Variants in TEKT2 observed in about 807,000 individuals in gnomAD.
TEKT2 encodes the protein tektin-2.
Under a neutral mutation model 49.8 loss-of-function variants are expected in TEKT2, and 45 were observed. The ratio of observed to expected loss-of-function variants is 0.90; its 90% CI spans 0.71 to 1.16. The LOEUF (loss-of-function observed/expected upper bound fraction) is 1.16. Ranked by LOEUF, TEKT2 falls within the 50% of genes most tolerant of loss-of-function variation. The pLI is 0.00. For synonymous variants in TEKT2, 202 were observed against 224.6 expected, an observed-to-expected ratio of 0.90 and a Z score of 0.90; for missense variants, 523 against 551.4, an observed-to-expected ratio of 0.95 and a Z score of 0.52.
chr1:36,087,595 C>T lies in TEKT2; in HGVS notation c.999+13C>T. The T allele has an allele frequency of 6.2e-7, 1 of 1,613,696 alleles. No individual in the cohort carries two copies. Among genetic ancestry groups the T allele is most frequent in the Non-Finnish European group, 8.5e-7 (1 of 1,180,016 alleles). ...CTGCCGGGACCAGGTGAGAGGGTGT[C>T]CCAGTGGCGCACGGGCCCCCTAGCC... On this transcript the variant is annotated intron_variant, in intron 8 of 9. Transcript: ENST00000207457. This position sits in a 1 kb window ranked among gnomAD's most constrained non-coding sequence, Gnocchi z 4.9.
chr1:36,085,125 C>T, intron 2 of TEKT2, 38 bp from the exon 3 acceptor site: 1 of 1,614,238 alleles, frequency 6.2e-7, no homozygotes, highest in Non-Finnish European at 8.5e-7. Context: ...AGCCCCCAAC[C>T]CCTTGACACC....
chr1:36,086,425 G>A (rs1182767361), intron 4 of TEKT2, among the ~76,000 whole-genome samples: 6 of 152,066 alleles, frequency 3.9e-5, no homozygotes, highest in East Asian at 1.9e-4. Flanking sequence ...TTCATCCTGC[G>A]GGTGTGTAGG....
chr1:36,086,334 T>C (rs1329005857), intron 4 of TEKT2, among the ~76,000 whole-genome samples: 1 of 152,144 alleles, frequency 6.6e-6, no homozygotes, highest in Non-Finnish European at 1.5e-5. Context: ...AGTGTGTGTG[T>C]ATGAGCCTTT....
chr1:36,086,080 CT>C, intron 4 of TEKT2, 39 bp downstream of exon 4: 1 of 1,549,736 alleles, frequency 6.5e-7, no homozygotes, highest in South Asian at 1.2e-5. Flanking sequence ...TCATGGGCCC[CT>C]GGAGGCTGTG....
chr1:36,085,773 G>T, intron 3 of TEKT2, 63 bp from the exon 4 acceptor site: 1 of 1,530,128 alleles, frequency 6.5e-7, no homozygotes, highest in Non-Finnish European at 8.9e-7. Context: ...ATCCAACTCG[G>T]CCTCCCGAAG....
rs772539254 is a variant in TEKT2 at position 36,085,806 on chromosome 1, C to T, written c.283-30C>T. ...AAGTGCTGGGATTACAGATGTGAGC[C>T]ACCGTGCCCGGCCGCGCCCTCTTTT... On this transcript the variant is annotated intron_variant, in intron 3 of 9. Transcript: ENST00000207457. The T allele has an allele frequency of 1.9e-6, 3 of 1,602,188 alleles. No individual in the cohort carries two copies. In the South Asian group the frequency reaches 3.4e-5, roughly 18 times the overall value.
rs1003238165 is a variant in TEKT2, at chr1:36,087,126, C to T, written c.748-78C>T. 3.1e-6 allele frequency: 5 copies of T among 1,604,824 alleles called. No individual in the cohort carries two copies. Among genetic ancestry groups the T allele is most frequent in the Non-Finnish European group, 8.5e-7 (1 of 1,172,878 alleles). ...TCTGTTCCCTGCTGTGCATGTGGCC[C>T]CCTGCCCCTCGCTTGAGTAATATCC... On this transcript the variant is annotated intron_variant, in intron 6 of 9. Coordinates refer to ENST00000207457, the MANE Select transcript of TEKT2 (RefSeq NM_014466.3). The surrounding 1 kb of genome is among the most constrained non-coding windows in gnomAD (Gnocchi z 4.9).
At chr1:36,085,722 T>G (rs1245565964) in intron 3 of TEKT2, 114 bp from the exon 4 acceptor site, 1 of 1,073,554 alleles carries the variant, frequency 9.3e-7, no homozygotes, top group Non-Finnish European at 1.4e-6. Context: ...GTTTCACCAT[T>G]TTGGCCAGGC....
rs765304178 is a variant in TEKT2 at position 36,087,843 on chromosome 1, C to A, written c.1079+36C>A. On this transcript the variant is annotated intron_variant, in intron 9 of 9. Transcript: ENST00000207457. This position sits in a 1 kb window ranked among gnomAD's most constrained non-coding sequence, Gnocchi z 4.9. Reference sequence around the variant, plus strand: ...GGAGTGGGCGGAAGGAGCAGTGAGACGCTGCCCACAAATGGGGCCTCTTGC... The same window carrying A: ...GGAGTGGGCGGAAGGAGCAGTGAGAAGCTGCCCACAAATGGGGCCTCTTGC... The A allele has an allele frequency of 1.2e-5, 20 of 1,610,364 alleles. No individual in the cohort carries two copies. The highest frequency in any genetic ancestry group is 8.4e-5 in the Admixed American group (5 of 59,490).
At position 36,085,964 on chromosome 1, in the gene TEKT2, G is replaced by A; in HGVS notation, c.411G>A (p.Leu137=). Residue 137 remains leucine (L), a synonymous_variant, in exon 4 of 10, where the codon CTG becomes CTA. Coordinates refer to ENST00000207457, the MANE Select transcript of TEKT2 (RefSeq NM_014466.3). ...DVVKDPVEDE[L]HKEVEVIEAT... is the part of the protein sequence containing the mutation. The stretch of plus-strand genomic sequence containing the variant: ...TGAAGGACCCTGTGGAGGATGAGCT[G>A]CATAAAGAGGTGGAGGTCATCGAGG... 6.2e-7 allele frequency: 1 copy of A among 1,613,024 alleles called. No individual in the cohort carries two copies. The highest frequency in any genetic ancestry group is 8.5e-7 in the Non-Finnish European group (1 of 1,179,524).
Position 36,087,351 on chromosome 1 carries a change from G to C in TEKT2, c.855+40G>C, listed in dbSNP as rs1241594485. The C allele has an allele frequency of 1.9e-6, 3 of 1,613,816 alleles. No homozygotes were observed. The highest frequency in any genetic ancestry group is 2.5e-6 in the Non-Finnish European group (3 of 1,179,916). On this transcript the variant is annotated intron_variant, in intron 7 of 9. Coordinates refer to ENST00000207457, the MANE Select transcript of TEKT2 (RefSeq NM_014466.3). This position sits in a 1 kb window ranked among gnomAD's most constrained non-coding sequence, Gnocchi z 4.9. ...GGGCCTGGACTTCCTGCTGTGGGAT[G>C]AGAAGCCGCATGCCCCCGCCAGGAG... is the stretch of plus-strand genomic sequence containing the variant.
At position 36,087,367 on chromosome 1, in the gene TEKT2, C is replaced by G. The variant is rs1440507415; in HGVS notation, c.855+56C>G. On this transcript the variant is annotated intron_variant, in intron 7 of 9. Transcript: ENST00000207457. This position sits in a 1 kb window ranked among gnomAD's most constrained non-coding sequence, Gnocchi z 4.9. The stretch of plus-strand genomic sequence containing the variant: ...CTGTGGGATGAGAAGCCGCATGCCC[C>G]CGCCAGGAGGCACTGGACCAGGCAT... 2 of 1,613,714 alleles carry G rather than the reference C, an allele frequency of 1.2e-6. No individual in the cohort carries two copies. Among genetic ancestry groups the G allele is most frequent in the East Asian group, 4.5e-5 (2 of 44,874 alleles).
intron 4 of TEKT2, 129 bp from the exon 5 acceptor site, chr1:36,086,575 C>G (rs771862933): frequency 1.2e-4 from 145 of 1,243,846 alleles, no homozygotes; most frequent in Non-Finnish European, 1.7e-4. Flanking sequence ...GTCTCAGTGG[C>G]TGAAGCTCCA....
Position 36,085,973 on chromosome 1 carries a change from G to A in TEKT2, c.420G>A (p.Glu140=). 1 of 1,612,558 alleles carries A rather than the reference G, an allele frequency of 6.2e-7. No homozygotes were observed. Among genetic ancestry groups the A allele is most frequent in the East Asian group, 2.2e-5 (1 of 44,836 alleles). Residue 140 remains glutamate, a synonymous_variant, in exon 4 of 10, where the codon GAG becomes GAA. Transcript: ENST00000207457. ...KDPVEDELHK[E]VEVIEATKKA... ...CTGTGGAGGATGAGCTGCATAAAGAGGTGGAGGTCATCGAGGCCACCAAGA... is the reference window on the plus strand; with the variant it reads ...CTGTGGAGGATGAGCTGCATAAAGAAGTGGAGGTCATCGAGGCCACCAAGA...
rs1307807508 is a variant in TEKT2, at chr1:36,084,905, C to T, written c.-17C>T. 6.2e-7 allele frequency: 1 copy of T among 1,613,364 alleles called. No homozygotes were observed. The highest frequency in any genetic ancestry group is 8.5e-7 in the Non-Finnish European group (1 of 1,180,046). On this transcript the variant is annotated 5_prime_UTR_variant, in exon 2 of 10. Transcript: ENST00000207457. This position sits in a 1 kb window ranked among gnomAD's most constrained non-coding sequence, Gnocchi z 4.1. ...TGAACAGGCCTAGGGGTTTCTGACC[C>T]TTCTGGTTTCTGTGCCATGGCCACG... is the stretch of plus-strand genomic sequence containing the variant.
At position 36,087,350 on chromosome 1, in the gene TEKT2, T is replaced by C; in HGVS notation, c.855+39T>C. The stretch of plus-strand genomic sequence containing the variant: ...GGGGCCTGGACTTCCTGCTGTGGGA[T>C]GAGAAGCCGCATGCCCCCGCCAGGA... On this transcript the variant is annotated intron_variant, in intron 7 of 9. Coordinates refer to ENST00000207457, the MANE Select transcript of TEKT2 (RefSeq NM_014466.3). The surrounding 1 kb of genome is among the most constrained non-coding windows in gnomAD (Gnocchi z 4.9). 1.9e-6 allele frequency: 3 copies of C among 1,613,766 alleles called. No individual in the cohort carries two copies. The highest frequency in any genetic ancestry group is 1.7e-6 in the Non-Finnish European group (2 of 1,179,884).
chr1:36,086,460 C>T (rs974476317), intron 4 of TEKT2, among the ~76,000 whole-genome samples: 12 of 151,476 alleles, frequency 7.9e-5, no homozygotes, highest in Admixed American at 7.2e-4. Context: ...CATTTTCATC[C>T]GATTTTCATC....
At position 36,086,045 on chromosome 1, in the gene TEKT2, A is replaced by AG; in HGVS notation, c.488+7dup. On this transcript the variant is annotated splice_donor_region_variant and intron_variant, in intron 4 of 9. Transcript: ENST00000207457. Reference sequence around the variant, plus strand: ...GCCAGGCCTTCGAGCAGCTCTGGTAAGGGAGAGGCAGGTCGTCCGCATGTT... The same window carrying AG: ...GCCAGGCCTTCGAGCAGCTCTGGTAAGGGGAGAGGCAGGTCGTCCGCATGTT... 6.4e-7 allele frequency: 1 copy of AG among 1,569,390 alleles called. No individual in the cohort carries two copies. The highest frequency in any genetic ancestry group is 8.6e-7 in the Non-Finnish European group (1 of 1,156,730).
Position 36,085,223 on chromosome 1 carries a change from C to A in TEKT2, c.217C>A (p.Arg73=), listed in dbSNP as rs748985076. ...RLVERIDTVN[R]WKEMLDKCLT... ...GGTGGAGAGGATTGATACTGTCAAC[C>A]GGTGGAAGGAGATGCTGGACAAGTG... The change falls in exon 3 of 10, where the codon CGG becomes AGG. Residue 73 remains arginine (R), a synonymous_variant. Coordinates refer to ENST00000207457, the MANE Select transcript of TEKT2 (RefSeq NM_014466.3). 3.2e-5 allele frequency: 52 copies of A among 1,614,076 alleles called. No homozygotes were observed. In the Admixed American group the frequency reaches 3.8e-4, roughly 12 times the overall value.
Sources: gnomAD v4.1 joint callset for allele counts (sites outside exome capture counted in the v4.1 genomes callset) on GRCh38, gnomAD v4.1.1 for gene constraint, Gnocchi (gnomAD v3.1) non-coding constraint, MANE v1.5 for transcripts, NCBI Gene and HGNC (gene_info 2026-07-23, HGNC 2026-07-21) for gene names.